The following AGBL4 variants were observed in gnomAD, a reference collection of about 807,000 sequenced individuals.
The protein encoded by AGBL4 is cytosolic carboxypeptidase 6.
A neutral mutation model predicts 66.4 loss-of-function variants in AGBL4; 58 were observed. That is an observed-to-expected ratio of 0.87 (90% CI 0.71 to 1.09). The LOEUF (loss-of-function observed/expected upper bound fraction) is 1.09. Among genes scored for constraint, AGBL4 ranks in the 50% least tolerant of loss-of-function variants. The pLI is 0.00. For synonymous variants in AGBL4, 234 were observed against 222.9 expected (o/e 1.05, Z -0.44); for missense variants, 579 against 631.0 (o/e 0.92, Z 0.88).
intron 3 of AGBL4, among the ~76,000 whole-genome samples, chr1:49,618,778 A>C (rs1645300122): frequency 6.6e-6 from 1 of 152,228 alleles, no homozygotes; most frequent in South Asian, 2.1e-4. Flanking sequence ...CACCATGATC[A>C]AGTTGGCTTC....
intron 4 of AGBL4, among the ~76,000 whole-genome samples, chr1:49,103,209 G>A (rs985670546): frequency 1.3e-5 from 2 of 152,132 alleles, no homozygotes; most frequent in African/African-American, 4.8e-5. Context: ...TCTACTGTTA[G>A]AGGCTTATTA....
intron 1 of AGBL4, among the ~76,000 whole-genome samples, chr1:50,004,997 A>T (rs1397960947): frequency 6.6e-6 from 1 of 152,086 alleles, no homozygotes; most frequent in African/African-American, 2.4e-5. Flanking sequence ...GCACAAGCAG[A>T]TTCCTAAGGT....
chr1:49,599,015 G>A (rs571282607), intron 3 of AGBL4, among the ~76,000 whole-genome samples: 211 of 152,292 alleles, frequency 1.4e-3, no homozygotes, highest in South Asian at 7.0e-3. Context: ...GTATTTTATT[G>A]AGGATTTTCG....
At chr1:48,915,063 TTC>T (rs1367584821) in intron 5 of AGBL4, among the ~76,000 whole-genome samples, 2 of 152,244 alleles carry the variant, frequency 1.3e-5, no homozygotes, top group Non-Finnish European at 2.9e-5. Flanking sequence ...CGTGTTATTT[TTC>T]TGTTTTACTT....
At chr1:49,227,388 T>C (rs1464706570) in intron 4 of AGBL4, among the ~76,000 whole-genome samples, 2 of 152,174 alleles carry the variant, frequency 1.3e-5, no homozygotes, top group East Asian at 3.9e-4. Flanking sequence ...CTTAACATTT[T>C]TTTTCACCTG....
intron 3 of AGBL4, among the ~76,000 whole-genome samples, chr1:49,380,981 C>T (rs959161329): frequency 6.6e-6 from 1 of 152,122 alleles, no homozygotes; most frequent in South Asian, 2.1e-4. Flanking sequence ...CAACAAAAGA[C>T]AAAATCGACA....
At chr1:49,426,602 A>G (rs1400015830) in intron 3 of AGBL4, among the ~76,000 whole-genome samples, 6 of 151,754 alleles carry the variant, frequency 4.0e-5, no homozygotes, top group East Asian at 3.9e-4. Context: ...CAGTTGAGCA[A>G]TAGCTTCTAC....
intron 3 of AGBL4, among the ~76,000 whole-genome samples, chr1:49,615,652 A>G (rs1432198538): frequency 3.3e-5 from 5 of 152,164 alleles, no homozygotes; most frequent in Non-Finnish European, 7.4e-5. Context: ...AATGGATAAA[A>G]GAGTCATAGC....
At chr1:48,853,540 A>T (rs545844137) in intron 6 of AGBL4, among the ~76,000 whole-genome samples, 58 of 152,344 alleles carry the variant, frequency 3.8e-4, no homozygotes, top group Non-Finnish European at 1.3e-4. Context: ...CAAAACTCTA[A>T]GAAGTATTAT....
intron 1 of AGBL4, among the ~76,000 whole-genome samples, chr1:49,954,650 T>C (rs565205930): frequency 1.3e-5 from 2 of 152,126 alleles, no homozygotes; most frequent in African/African-American, 4.8e-5. Flanking sequence ...CATATGGCAC[T>C]ATAACTAAGT....
intron 5 of AGBL4, among the ~76,000 whole-genome samples, chr1:49,023,336 T>A (rs544704637): frequency 6.6e-6 from 1 of 152,266 alleles, no homozygotes; most frequent in East Asian, 1.9e-4. Context: ...TGGGTATCTT[T>A]AAGGTCCTAG....
At chr1:49,565,864 G>C (rs1345422986) in intron 3 of AGBL4, among the ~76,000 whole-genome samples, 1 of 152,148 alleles carries the variant, frequency 6.6e-6, no homozygotes, top group Non-Finnish European at 1.5e-5. Context: ...CTACATTGGG[G>C]AAGTTCTCCT....
chr1:49,407,204 G>A (rs967914251), intron 3 of AGBL4, among the ~76,000 whole-genome samples: 1 of 151,700 alleles, frequency 6.6e-6, no homozygotes, highest in African/African-American at 2.4e-5. Flanking sequence ...TAAGTAAGCA[G>A]ATTGTCCTCT....
At chr1:49,002,335 C>T (rs543776246) in intron 5 of AGBL4, among the ~76,000 whole-genome samples, 1 of 152,272 alleles carries the variant, frequency 6.6e-6, no homozygotes, top group Admixed American at 6.5e-5. Flanking sequence ...GTGCCCCTTT[C>T]TGTAGCCTTG....
chr1:49,723,604 G>A (rs1648773476), intron 2 of AGBL4, among the ~76,000 whole-genome samples: 1 of 152,050 alleles, frequency 6.6e-6, no homozygotes, highest in Non-Finnish European at 1.5e-5. Flanking sequence ...AGCTATGTCT[G>A]GTCATCAAAG....
At chr1:48,650,679 A>G (rs1645914774) in intron 8 of AGBL4, among the ~76,000 whole-genome samples, 2 of 152,214 alleles carry the variant, frequency 1.3e-5, no homozygotes, top group African/African-American at 4.8e-5. Context: ...AGTGCTTCAC[A>G]GGCCATTAGA....
At chr1:49,486,572 T>C (rs1647071182) in intron 3 of AGBL4, among the ~76,000 whole-genome samples, 1 of 151,976 alleles carries the variant, frequency 6.6e-6, no homozygotes, top group South Asian at 2.1e-4. Context: ...CCTCCTCAAA[T>C]TGGTGACCTA....
Position 49,080,999 on chromosome 1 carries a change from CATT to C in AGBL4, c.378-35202_378-35200del, listed in dbSNP as rs541374355. 7.2e-5 allele frequency among the ~76,000 whole-genome samples: 11 copies of C among 152,166 alleles called. No individual in the cohort carries two copies. In the South Asian group the frequency reaches 2.1e-3, roughly 29 times the overall value. ...ATTATATTTGAAATTTTAATACAGT[CATT>C]ATAATGTCAAAGGAAACTTCTCTGA... is the stretch of plus-strand genomic sequence containing the variant. On this transcript the variant is annotated intron_variant, in intron 4 of 13. Transcript: ENST00000371839.
intron 1 of AGBL4, among the ~76,000 whole-genome samples, chr1:49,974,814 A>T (rs879881028): frequency 1.1e-4 from 16 of 152,150 alleles, no homozygotes; most frequent in Non-Finnish European, 2.2e-4. Context: ...CCACCTCCTC[A>T]TTGAATTCTT....
Sources: gnomAD v4.1 joint callset for allele counts (sites outside exome capture counted in the v4.1 genomes callset) on GRCh38, gnomAD v4.1.1 for gene constraint, MANE v1.5 for transcripts, NCBI Gene and HGNC (gene_info 2026-07-23, HGNC 2026-07-21) for gene names.